The following CHST8 variants were observed in gnomAD, a reference collection of about 807,000 sequenced individuals.
CHST8 encodes carbohydrate sulfotransferase 8.
CHST8 carries 10 observed loss-of-function variants against 15.0 expected under a neutral mutation model. That is an observed-to-expected ratio of 0.67 (90% CI 0.41 to 1.13). The LOEUF (loss-of-function observed/expected upper bound fraction) is 1.13, where lower values mean the gene tolerates loss of function less well. CHST8 is among the 50% of genes most tolerant of loss of function. CHST8 has a pLI of 0.00. For missense variants in CHST8, 634 were observed against 608.2 expected, an observed-to-expected ratio of 1.04 and a Z score of -0.45; for synonymous variants, 259 against 256.6, an observed-to-expected ratio of 1.01 and a Z score of -0.09.
intron 1 of CHST8, among the ~76,000 whole-genome samples, chr19:33,638,526 G>A (rs997574059): frequency 6.6e-6 from 1 of 152,074 alleles, no homozygotes; most frequent in Non-Finnish European, 1.5e-5. Context: ...CACCTTGGCC[G>A]GCCACAGTGC....
chr19:33,725,114 T>C (rs1451089394), intron 3 of CHST8, among the ~76,000 whole-genome samples: 1 of 151,852 alleles, frequency 6.6e-6, no homozygotes, highest in Non-Finnish European at 1.5e-5. Flanking sequence ...GTGCACAGAG[T>C]GTGAGGGTGT....
chr19:33,730,449 ATTC>A (rs1973974323), intron 3 of CHST8, among the ~76,000 whole-genome samples: 1 of 152,328 alleles, frequency 6.6e-6, no homozygotes, highest in Admixed American at 6.5e-5. Context: ...CGCTAAGCTC[ATTC>A]TTTGGTCTTT....
intron 3 of CHST8, among the ~76,000 whole-genome samples, chr19:33,742,351 A>G (rs534207059): frequency 1.3e-5 from 2 of 152,358 alleles, no homozygotes; most frequent in African/African-American, 4.8e-5. Flanking sequence ...AGGCTGTACA[A>G]GCGTGGCACC....
At chr19:33,702,495 A>G (rs1973359757) in intron 3 of CHST8, among the ~76,000 whole-genome samples, 1 of 152,358 alleles carries the variant, frequency 6.6e-6, no homozygotes, top group South Asian at 2.1e-4. Context: ...AGGCTCTTCC[A>G]TTGGTTGAAT....
intron 3 of CHST8, among the ~76,000 whole-genome samples, chr19:33,699,360 G>A (rs866457147): frequency 2.0e-5 from 3 of 152,328 alleles, no homozygotes; most frequent in Middle Eastern, 6.8e-3. Flanking sequence ...GGGGGCAGTG[G>A]AGGGGAGACC....
intron 1 of CHST8, among the ~76,000 whole-genome samples, chr19:33,663,608 C>T (rs546425431): frequency 1.3e-5 from 2 of 152,222 alleles, no homozygotes; most frequent in East Asian, 1.9e-4. Flanking sequence ...CAGTGGCTCA[C>T]GCCTGTAATC....
chr19:33,626,046 C>T lies in CHST8; in HGVS notation c.-164+3750C>T, dbSNP rs949123953. On this transcript the variant is annotated intron_variant, in intron 1 of 4. Coordinates refer to ENST00000650847, the MANE Select transcript of CHST8 (RefSeq NM_001127895.2). The stretch of plus-strand genomic sequence containing the variant: ...CATCTGACTCCAGAGCGGCTGTGTT[C>T]CCTCCAGAGGAAACCCACGGACCCA... 3.3e-5 allele frequency among the ~76,000 whole-genome samples: 5 copies of T among 151,996 alleles called. No individual in the cohort carries two copies. In the East Asian group the frequency reaches 9.7e-4, roughly 29 times the overall value.
intron 3 of CHST8, among the ~76,000 whole-genome samples, chr19:33,712,920 ACG>A (rs1973587203): frequency 6.6e-6 from 1 of 152,080 alleles, no homozygotes; most frequent in Non-Finnish European, 1.5e-5. Context: ...ACTTTCAGGG[ACG>A]TGCTGTCAAA....
chr19:33,763,238 G>A, intron 3 of CHST8, among the ~76,000 whole-genome samples: 1 of 152,208 alleles, frequency 6.6e-6, no homozygotes, highest in Non-Finnish European at 1.5e-5. Flanking sequence ...CCTCCGCGTG[G>A]TCCACAGAGG....
chr19:33,713,191 G>A (rs1973594133), intron 3 of CHST8, among the ~76,000 whole-genome samples: 1 of 152,204 alleles, frequency 6.6e-6, no homozygotes, highest in South Asian at 2.1e-4. Context: ...AAGACCTAAT[G>A]TGATTCTGTG....
chr19:33,773,052 G>A lies in CHST8; in HGVS notation c.1264G>A (p.Asp422Asn). The A allele has an allele frequency of 6.2e-7, 1 of 1,604,856 alleles. No homozygotes were observed. The highest frequency in any genetic ancestry group is 8.5e-7 in the Non-Finnish European group (1 of 1,178,810). ...LMFNYSKPFA[D>N]LY ...GTTCAACTATTCCAAGCCCTTTGCA[G>A]ATCTGTACTGAGGGGCGCCGCAGCT... Residue 422 changes from aspartate to asparagine, a missense_variant, in exon 5 of 5, where the codon GAT becomes AAT. Transcript: ENST00000650847.
chr19:33,650,523 T>TTTTC (rs1972430669), intron 1 of CHST8, among the ~76,000 whole-genome samples: 1 of 76,938 alleles, frequency 1.3e-5, no homozygotes, highest in African/African-American at 9.6e-5. Flanking sequence ...CTTTTCTTTT[T>TTTTC]TTTTTTTTTT....
At chr19:33,661,408 G>A (rs114628171) in intron 1 of CHST8, among the ~76,000 whole-genome samples, 218 of 152,342 alleles carry the variant, frequency 1.4e-3, no homozygotes, top group African/African-American at 5.0e-3. Flanking sequence ...GACCCAGTGG[G>A]ATTTTCACCC....
intron 3 of CHST8, among the ~76,000 whole-genome samples, chr19:33,728,347 C>G (rs935733913): frequency 2.6e-5 from 4 of 152,232 alleles, no homozygotes; most frequent in Non-Finnish European, 5.9e-5. Flanking sequence ...GCTTCTGTAG[C>G]CAGGGCGGTG....
intron 2 of CHST8, among the ~76,000 whole-genome samples, chr19:33,673,146 G>A (rs1407629063): frequency 6.6e-6 from 1 of 152,210 alleles, no homozygotes; most frequent in Non-Finnish European, 1.5e-5. Flanking sequence ...GCCAATGTCC[G>A]GGTGTCGTGG....
At chr19:33,765,529 G>A (rs1472998459) in intron 3 of CHST8, among the ~76,000 whole-genome samples, 7 of 126,630 alleles carry the variant, frequency 5.5e-5, no homozygotes, top group Non-Finnish European at 1.2e-4. Flanking sequence ...GTGTGTGTGT[G>A]TGTGTGTGTG....
rs571279459 is a variant in CHST8, at chr19:33,672,527, G to A, written c.-87+4684G>A. ...ATCAAAAGTATTTTTTCATCTTTGT[G>A]TACCATCTCATGTCAGCGACGGAAA... On this transcript the variant is annotated intron_variant, in intron 2 of 4. Transcript: ENST00000650847. Among the ~76,000 whole-genome samples the A allele has an allele frequency of 2.6e-5, 4 of 152,218 alleles. No individual in the cohort carries two copies. The South Asian group carries it at 8.3e-4, about 32-fold the overall frequency.
rs745787901 is a variant in CHST8 at position 33,772,996 on chromosome 19, C to T, written c.1208C>T (p.Thr403Ile). Residue 403 changes from threonine (T) to isoleucine (I), a missense_variant, in exon 5 of 5, where the codon ACC becomes ATC. Coordinates refer to ENST00000650847, the MANE Select transcript of CHST8 (RefSeq NM_001127895.2). The part of the protein sequence containing the change: ...AQLSALQRQR[T>I]YDFYYMDYLM... ...CTCTCGGCCCTGCAAAGGCAGCGCACCTACGACTTCTACTACATGGATTAC... is the reference window on the plus strand; with the variant it reads ...CTCTCGGCCCTGCAAAGGCAGCGCATCTACGACTTCTACTACATGGATTAC... The T allele has an allele frequency of 3.7e-6, 6 of 1,613,242 alleles. No individual in the cohort carries two copies. Among genetic ancestry groups the T allele is most frequent in the Non-Finnish European group, 5.1e-6 (6 of 1,180,022 alleles).
At chr19:33,721,513 G>T (rs537556181) in intron 3 of CHST8, among the ~76,000 whole-genome samples, 1 of 152,098 alleles carries the variant, frequency 6.6e-6, no homozygotes, top group South Asian at 2.1e-4. Context: ...TGGATGGATG[G>T]ATGGGTGGAT....
Sources: allele counts gnomAD v4.1 joint callset (sites outside exome capture counted in the v4.1 genomes callset), GRCh38; gene constraint gnomAD v4.1.1; transcripts MANE v1.5; gene names NCBI Gene and HGNC (gene_info 2026-07-23, HGNC 2026-07-21).